Variants in TAFA1 observed in about 807,000 individuals in gnomAD.
The protein encoded by TAFA1 is chemokine-like protein TAFA-1.
A neutral mutation model predicts 18.5 loss-of-function variants in TAFA1; 4 were observed. The observed-to-expected ratio is 0.22, with a 90% CI of 0.11 to 0.49. TAFA1 has a LOEUF of 0.49. Among genes scored for constraint, TAFA1 ranks in the 20% least tolerant of loss-of-function variants. The pLI is 0.98. For synonymous variants in TAFA1, 56 were observed against 55.2 expected (o/e 1.01, Z -0.06); for missense variants, 147 against 169.0 (o/e 0.87, Z 0.72).
chr3:68,064,358 T>G (rs907561932), intron 2 of TAFA1, among the ~76,000 whole-genome samples: 3 of 152,228 alleles, frequency 2.0e-5, no homozygotes, highest in African/African-American at 7.2e-5. Context: ...GGACAAAGTT[T>G]CAGTTTCCTA....
At chr3:68,315,323 T>C (rs1411013722) in intron 2 of TAFA1, among the ~76,000 whole-genome samples, 1 of 152,186 alleles carries the variant, frequency 6.6e-6, no homozygotes. Flanking sequence ...CATGTTCAGT[T>C]GTTGGTGTGG....
chr3:68,444,813 A>ATATATAT (rs1559673109), intron 3 of TAFA1, among the ~76,000 whole-genome samples: 22 of 134,192 alleles, frequency 1.6e-4, no homozygotes, highest in Non-Finnish European at 3.0e-4. Context: ...TATATATATA[A>ATATATAT]AATAAATTAA....
chr3:68,185,310 G>C (rs899804329), intron 2 of TAFA1, among the ~76,000 whole-genome samples: 6 of 152,122 alleles, frequency 3.9e-5, no homozygotes, highest in Non-Finnish European at 7.4e-5. Flanking sequence ...CATCAATAAA[G>C]AAGAATGGAC....
At chr3:68,473,040 G>T (rs2072029878) in intron 3 of TAFA1, among the ~76,000 whole-genome samples, 1 of 152,192 alleles carries the variant, frequency 6.6e-6, no homozygotes, top group Non-Finnish European at 1.5e-5. Context: ...TTGCCAACAA[G>T]TTGGAGTCAA....
chr3:68,112,094 G>GAAA (rs33967304), intron 2 of TAFA1, among the ~76,000 whole-genome samples: 1 of 150,742 alleles, frequency 6.6e-6, no homozygotes. Context: ...AGCACTGGAT[G>GAAA]AAAAAAAAAT....
chr3:68,353,010 T>A (rs2069297818), intron 2 of TAFA1, among the ~76,000 whole-genome samples: 1 of 152,054 alleles, frequency 6.6e-6, no homozygotes. Flanking sequence ...TAAACCACTA[T>A]GCCAGGAAAA....
At chr3:68,314,472 A>G (rs2068573587) in intron 2 of TAFA1, among the ~76,000 whole-genome samples, 1 of 152,206 alleles carries the variant, frequency 6.6e-6, no homozygotes, top group Admixed American at 6.5e-5. Flanking sequence ...TGTTCCACAG[A>G]TTGTTGTCAA....
chr3:68,475,139 A>AT (rs5849846), intron 3 of TAFA1, among the ~76,000 whole-genome samples: 5 of 150,340 alleles, frequency 3.3e-5, no homozygotes, highest in Admixed American at 6.6e-5. Flanking sequence ...GCTGGCTTCT[A>AT]TTTTTTTTTA....
the TAFA1 span, among the ~76,000 whole-genome samples, chr3:67,992,871 T>C: frequency 1.3e-5 from 2 of 152,162 alleles, no homozygotes; most frequent in African/African-American, 4.8e-5. Flanking sequence ...ATAAAGGAAG[T>C]AAATCCCCTC....
rs116457765 is a variant in TAFA1, at chr3:68,360,620, A to G, written c.119-56660A>G. ...AGACTGAAAATTTCAAGTTGGTACC[A>G]TTAATATTGCCACAGTTAGTCATTT... is the stretch of plus-strand genomic sequence containing the variant. On this transcript the variant is annotated intron_variant, in intron 2 of 4. Transcript: ENST00000478136. Among the ~76,000 whole-genome samples, 660 of 152,086 alleles carry G rather than the reference A, an allele frequency of 4.3e-3. 3 individuals are homozygous for G. The highest frequency in any genetic ancestry group is 0.015 in the African/African-American group (623 of 41,528).
At chr3:68,430,358 A>T (rs1210521688) in intron 3 of TAFA1, among the ~76,000 whole-genome samples, 1 of 152,012 alleles carries the variant, frequency 6.6e-6, no homozygotes, top group Non-Finnish European at 1.5e-5. Context: ...GGAAGCCCAT[A>T]GGACAATGAA....
intron 2 of TAFA1, among the ~76,000 whole-genome samples, chr3:68,329,268 A>G (rs141699638): frequency 0.029 from 3,535 of 120,436 alleles, 141 homozygotes; most frequent in African/African-American, 0.097. Context: ...GGGTTTCACC[A>G]CGTTAGTCAG....
At chr3:68,219,586 C>A (rs1575687328) in intron 2 of TAFA1, among the ~76,000 whole-genome samples, 1 of 152,022 alleles carries the variant, frequency 6.6e-6, no homozygotes, top group South Asian at 2.1e-4. Flanking sequence ...CTCAAGGGGC[C>A]CCCTTTTCTC....
intron 2 of TAFA1, among the ~76,000 whole-genome samples, chr3:68,237,157 G>A (rs1160490528): frequency 6.6e-6 from 1 of 152,184 alleles, no homozygotes; most frequent in African/African-American, 2.4e-5. Context: ...AGACTGGCAA[G>A]TCCATGGTCA....
chr3:68,099,321 C>T (rs184880994), intron 2 of TAFA1, among the ~76,000 whole-genome samples: 3 of 152,138 alleles, frequency 2.0e-5, no homozygotes, highest in East Asian at 3.9e-4. Context: ...ACCAAAATGA[C>T]CCCGTTTAAA....
At chr3:68,029,278 A>G (rs1421901279) in intron 2 of TAFA1, among the ~76,000 whole-genome samples, 1 of 152,230 alleles carries the variant, frequency 6.6e-6, no homozygotes, top group Non-Finnish European at 1.5e-5. Context: ...TGTAATCAGT[A>G]TAAAGAATTA....
intron 3 of TAFA1, among the ~76,000 whole-genome samples, chr3:68,469,574 G>A (rs1234450154): frequency 6.6e-6 from 1 of 152,190 alleles, no homozygotes; most frequent in East Asian, 1.9e-4. Flanking sequence ...TCAGGAGGCT[G>A]AGGCAGGAGA....
At chr3:68,511,414 AAATT>A (rs2106729987) in intron 3 of TAFA1, among the ~76,000 whole-genome samples, 1 of 152,276 alleles carries the variant, frequency 6.6e-6, no homozygotes, top group South Asian at 2.1e-4. Flanking sequence ...AAGTTGAAAT[AAATT>A]ATTTCCTCTA....
intron 3 of TAFA1, among the ~76,000 whole-genome samples, chr3:68,458,536 G>C (rs2071709709): frequency 6.6e-6 from 1 of 152,144 alleles, no homozygotes; most frequent in Non-Finnish European, 1.5e-5. Context: ...AAGTTAAGCA[G>C]TCTGTCCAAA....
Sources: allele counts gnomAD v4.1 joint callset (sites outside exome capture counted in the v4.1 genomes callset), GRCh38; gene constraint gnomAD v4.1.1; transcripts MANE v1.5; gene names NCBI Gene and HGNC (gene_info 2026-07-23, HGNC 2026-07-21).